Variants in EPHA6 observed in about 807,000 individuals in gnomAD.
EPHA6 encodes ephrin type-A receptor 6.
EPHA6 carries 50 observed loss-of-function variants against 112.0 expected under a neutral mutation model. The observed-to-expected ratio is 0.45, with a 90% CI of 0.36 to 0.56. The LOEUF (loss-of-function observed/expected upper bound fraction) is 0.56, where lower values mean the gene tolerates loss of function less well. Among genes scored for constraint, EPHA6 ranks in the 20% least tolerant of loss-of-function variants. The probability of loss-of-function intolerance (pLI) is 0.00; values close to 1 mark genes in which losing one functional copy is unlikely to be tolerated. For missense variants in EPHA6, 1,280 were observed against 1,417.4 expected, an observed-to-expected ratio of 0.90 and a Z score of 1.56; for synonymous variants, 529 against 490.7, an observed-to-expected ratio of 1.08 and a Z score of -1.03.
chr3:96,911,545 A>G (rs1359058003), intron 2 of EPHA6, among the ~76,000 whole-genome samples: 4 of 152,080 alleles, frequency 2.6e-5, no homozygotes, highest in Admixed American at 2.6e-4. Flanking sequence ...CTTTACTGGT[A>G]TTTGTAAAAC....
intron 3 of EPHA6, among the ~76,000 whole-genome samples, chr3:97,049,861 A>T (rs746082115): frequency 6.6e-6 from 1 of 152,118 alleles, no homozygotes; most frequent in Non-Finnish European, 1.5e-5. Context: ...TCTGTTCATG[A>T]GGGATGTACC....
rs1204718533 is a variant in EPHA6 at position 97,589,241 on chromosome 3, GT to G, written c.2387-3370del. Among the ~76,000 whole-genome samples the G allele has an allele frequency of 3.3e-5, 5 of 149,776 alleles. No homozygotes were observed. The East Asian group carries it at 9.7e-4, about 29-fold the overall frequency. On this transcript the variant is annotated intron_variant, in intron 11 of 17. Coordinates refer to ENST00000389672, the MANE Select transcript of EPHA6 (RefSeq NM_001080448.3). ...GGCCCAAGACAATTCTTCTTCTAAT[GT>G]GCCCCATAGTAGCCAAAAGATTGGA...
At position 96,814,877 on chromosome 3, in the gene EPHA6, G is replaced by A. The variant is rs372676830; in HGVS notation, c.254G>A (p.Arg85Lys). 1.9e-6 allele frequency: 3 copies of A among 1,557,182 alleles called. No individual in the cohort carries two copies. In the African/African-American group the frequency reaches 4.1e-5, roughly 21 times the overall value. ...TCLRCRHFSL[R>K]ERKREPRRTM... ...CTGCGCTGCCGCCACTTCTCTTTAA[G>A]GGAGAGGAAAAGAGAGCCTAGGAGA... is the stretch of plus-strand genomic sequence containing the variant. The change falls in exon 1 of 18, where the codon AGG becomes AAG. Residue 85 changes from arginine (R) to lysine (K), a missense_variant. Physicochemically the swap from Arg to Lys is conservative, Grantham distance 26. Around this residue, in one of 4 missense-constraint regions of EPHA6, gnomAD observed 220 missense variants for 171.5 expected, o/e 1.28. Transcript: ENST00000389672.
chr3:96,842,377 G>C (rs946022647), intron 1 of EPHA6, among the ~76,000 whole-genome samples: 3 of 151,930 alleles, frequency 2.0e-5, no homozygotes, highest in African/African-American at 7.3e-5. Flanking sequence ...TCTCTAATTG[G>C]TGTGGGAGGG....
chr3:97,313,160 A>G (rs976423707), intron 5 of EPHA6, among the ~76,000 whole-genome samples: 2 of 151,528 alleles, frequency 1.3e-5, no homozygotes, highest in Admixed American at 6.6e-5. Context: ...AAGTGAGATT[A>G]TATGGTATTT....
intron 5 of EPHA6, among the ~76,000 whole-genome samples, chr3:97,384,265 T>C (rs1028375720): frequency 2.6e-5 from 4 of 152,222 alleles, no homozygotes; most frequent in Admixed American, 6.5e-5. Flanking sequence ...ATTATATTAT[T>C]ATTTCAAGTT....
chr3:97,299,485 A>AT (rs952440254), intron 5 of EPHA6, among the ~76,000 whole-genome samples: 3 of 152,136 alleles, frequency 2.0e-5, no homozygotes, highest in Non-Finnish European at 2.9e-5. Flanking sequence ...AGTTGGAAAG[A>AT]TTTTTTCATG....
intron 1 of EPHA6, among the ~76,000 whole-genome samples, chr3:96,815,279 T>G (rs201007981): frequency 6.6e-6 from 1 of 152,050 alleles, no homozygotes; most frequent in Non-Finnish European, 1.5e-5. Context: ...CTAGCGGCCG[T>G]GGGACCGCTC....
At chr3:97,057,646 A>G (rs1576407171) in intron 3 of EPHA6, among the ~76,000 whole-genome samples, 1 of 152,196 alleles carries the variant, frequency 6.6e-6, no homozygotes, top group Non-Finnish European at 1.5e-5. Context: ...CAATAAATGC[A>G]CCTACCACAA....
At chr3:97,374,630 G>A (rs979924638) in intron 5 of EPHA6, among the ~76,000 whole-genome samples, 4 of 151,942 alleles carry the variant, frequency 2.6e-5, no homozygotes, top group African/African-American at 9.7e-5. Flanking sequence ...GTACTCAATA[G>A]GTAGTTTTTC....
chr3:96,825,092 A>T (rs2033558636), intron 1 of EPHA6, among the ~76,000 whole-genome samples: 2 of 151,978 alleles, frequency 1.3e-5, no homozygotes, highest in South Asian at 4.1e-4. Context: ...ATATATGAAA[A>T]TAATTAGAGA....
chr3:97,328,044 CATATATACACATATATAT>C (rs2082559036), intron 5 of EPHA6, among the ~76,000 whole-genome samples: 1 of 53,530 alleles, frequency 1.9e-5, no homozygotes, highest in African/African-American at 9.5e-5. Context: ...TATATACACA[CATATATACACATATATAT>C]ATATATATAT....
chr3:97,620,904 CATTACTGAGT>C (rs1388741541), intron 13 of EPHA6, among the ~76,000 whole-genome samples: 1 of 151,986 alleles, frequency 6.6e-6, no homozygotes, highest in African/African-American at 2.4e-5. Flanking sequence ...CCAGCAACCC[CATTACTGAGT>C]ATATACCCAA....
intron 5 of EPHA6, among the ~76,000 whole-genome samples, chr3:97,299,162 G>A (rs749364701): frequency 2.7e-4 from 41 of 150,852 alleles, no homozygotes; most frequent in Non-Finnish European, 5.0e-4. Context: ...TTGGCTGGAC[G>A]GTTTTGCACT....
intron 3 of EPHA6, among the ~76,000 whole-genome samples, chr3:97,037,059 T>C (rs141832156): frequency 2.1e-4 from 32 of 152,156 alleles, no homozygotes; most frequent in African/African-American, 7.5e-4. Context: ...ACTAAAAAAA[T>C]TAAAACTACC....
chr3:97,152,866 C>T (rs988312730), intron 3 of EPHA6, among the ~76,000 whole-genome samples: 6 of 152,040 alleles, frequency 3.9e-5, no homozygotes, highest in Non-Finnish European at 7.4e-5. Context: ...GCAGCATTTT[C>T]GTTAATTACT....
intron 6 of EPHA6, among the ~76,000 whole-genome samples, chr3:97,433,511 G>A (rs1445664857): frequency 2.6e-5 from 4 of 152,044 alleles, no homozygotes; most frequent in East Asian, 1.9e-4. Context: ...TCAGGTAGTC[G>A]AGATAATAAG....
At chr3:97,466,269 T>A (rs2107416234) in intron 7 of EPHA6, 1 of 1,187,218 alleles carries the variant, frequency 8.4e-7, no homozygotes. Flanking sequence ...GACAGTAAGG[T>A]TAGATAGAAA....
At chr3:97,258,251 T>TATAC (rs531315613) in intron 5 of EPHA6, among the ~76,000 whole-genome samples, 2 of 147,332 alleles carry the variant, frequency 1.4e-5, no homozygotes, top group East Asian at 3.9e-4. Flanking sequence ...TATATATATA[T>TATAC]ACACACACAC....
Sources: gnomAD v4.1 joint callset for allele counts (sites outside exome capture counted in the v4.1 genomes callset) on GRCh38, gnomAD v4.1.1 for gene constraint, gnomAD v4.1.1 regional missense constraint, MANE v1.5 for transcripts, NCBI Gene and HGNC (gene_info 2026-07-23, HGNC 2026-07-21) for gene names.